Variants in EYS observed in about 807,000 individuals in gnomAD.
EYS encodes the protein EGF-like photoreceptor maintenance factor.
In EYS, 250 loss-of-function variants were observed where a neutral mutation model predicts 282.1. The observed-to-expected ratio is 0.89, with a 90% confidence interval of 0.80 to 0.98. EYS has a LOEUF of 0.98. EYS is among the 50% of genes least tolerant of loss of function. The pLI, the probability that EYS is intolerant of heterozygous loss-of-function variation, is 0.00. For missense variants in EYS, 4,016 were observed against 3,709.0 expected (o/e 1.08, Z -2.15); for synonymous variants, 1,355 against 1,282.9 (o/e 1.06, Z -1.20).
chr6:65,668,019 AG>A (rs1292826020), intron 1 of EYS, among the ~76,000 whole-genome samples: 1 of 151,922 alleles, frequency 6.6e-6, no homozygotes, highest in African/African-American at 2.4e-5. Flanking sequence ...GCACCATTGA[AG>A]TAGTATCAGT....
Position 65,552,032 on chromosome 6 carries a change from C to T in EYS, c.-332-56039G>A, listed in dbSNP as rs1354292965. Among the ~76,000 whole-genome samples the T allele has an allele frequency of 1.3e-4, 2 of 14,892 alleles. 1 individual carries two copies. Among genetic ancestry groups the T allele is most frequent in the Non-Finnish European group, 1.9e-4 (2 of 10,334 alleles). The allele number at this position is 14,892 out of a possible 152,430, so 9.8% of individuals were successfully genotyped here. On this transcript the variant is annotated intron_variant, in intron 2 of 42. Coordinates refer to ENST00000503581, the MANE Select transcript of EYS (RefSeq NM_001142800.2). ...AGTGGGCGAAGGTCATGAACAGACA[C>T]TTCTCAAAAGAAGACATTTATGCAG... is the stretch of plus-strand genomic sequence containing the variant.
At chr6:64,647,062 T>C (rs1297563655) in intron 22 of EYS, among the ~76,000 whole-genome samples, 1 of 152,142 alleles carries the variant, frequency 6.6e-6, no homozygotes, top group Non-Finnish European at 1.5e-5. Flanking sequence ...AAGAAACCAC[T>C]TACTGTGTAA....
chr6:64,833,801 A>AT (rs570344527), intron 19 of EYS, among the ~76,000 whole-genome samples: 28 of 152,036 alleles, frequency 1.8e-4, no homozygotes, highest in African/African-American at 6.5e-4. Flanking sequence ...AAAATGTAAG[A>AT]TTGAATGGCC....
chr6:64,728,430 G>A (rs936700986), intron 22 of EYS, among the ~76,000 whole-genome samples: 8 of 152,056 alleles, frequency 5.3e-5, no homozygotes, highest in African/African-American at 1.2e-4. Context: ...TGCCTCCCGG[G>A]TTCACCCCAT....
chr6:65,297,138 A>G (rs1331563518), intron 11 of EYS, among the ~76,000 whole-genome samples: 1 of 151,370 alleles, frequency 6.6e-6, no homozygotes, highest in Non-Finnish European at 1.5e-5. Flanking sequence ...ACATTATATA[A>G]TATATCCATA....
intron 22 of EYS, among the ~76,000 whole-genome samples, chr6:64,703,429 A>ATATTTT (rs869208549): frequency 1.3e-4 from 3 of 23,366 alleles, no homozygotes; most frequent in Non-Finnish European, 2.2e-4. Flanking sequence ...ATATATATAT[A>ATATTTT]TTTTTTTTTT....
chr6:64,310,339 C>T (rs750197892), intron 29 of EYS, among the ~76,000 whole-genome samples: 11 of 152,076 alleles, frequency 7.2e-5, no homozygotes, highest in Non-Finnish European at 1.5e-4. Context: ...ACCAAAATAC[C>T]CAGCAATAAT....
chr6:64,958,920 C>G (rs891155667), intron 14 of EYS, among the ~76,000 whole-genome samples: 4 of 152,048 alleles, frequency 2.6e-5, no homozygotes, highest in Non-Finnish European at 5.9e-5. Flanking sequence ...ATAATATAAA[C>G]TGGCTTCATA....
chr6:65,458,270 G>T (rs895400493), intron 5 of EYS, among the ~76,000 whole-genome samples: 1 of 152,028 alleles, frequency 6.6e-6, no homozygotes, highest in Non-Finnish European at 1.5e-5. Flanking sequence ...ATTCTCTACC[G>T]TGGCACATCA....
At chr6:63,956,473 C>T (rs534233295) in intron 35 of EYS, among the ~76,000 whole-genome samples, 38 of 152,280 alleles carry the variant, frequency 2.5e-4, no homozygotes, top group South Asian at 4.1e-4. Flanking sequence ...AAAGCTTTAT[C>T]GCTCACACAA....
At chr6:65,105,215 C>T (rs924885012) in intron 12 of EYS, among the ~76,000 whole-genome samples, 1 of 151,602 alleles carries the variant, frequency 6.6e-6, no homozygotes, top group Non-Finnish European at 1.5e-5. Context: ...AAAAATCAAA[C>T]AATTTTAATA....
At chr6:63,726,856 T>C (rs761591665) in intron 41 of EYS, among the ~76,000 whole-genome samples, 176 bp from the exon 42 acceptor site, 5 of 152,246 alleles carry the variant, frequency 3.3e-5, no homozygotes, top group Admixed American at 6.5e-5. Flanking sequence ...TTAATTCCAC[T>C]AACTTTAGGG....
At chr6:65,183,635 T>C (rs1765446309) in intron 12 of EYS, among the ~76,000 whole-genome samples, 1 of 151,922 alleles carries the variant, frequency 6.6e-6, no homozygotes, top group Non-Finnish European at 1.5e-5. Flanking sequence ...ATATTTTTTC[T>C]TCTAATTTTA....
intron 22 of EYS, among the ~76,000 whole-genome samples, chr6:64,699,275 A>T (rs1351402562): frequency 1.3e-5 from 2 of 152,238 alleles, no homozygotes; most frequent in East Asian, 3.9e-4. Flanking sequence ...TTAAATGATG[A>T]TAACTTATGA....
At chr6:64,521,209 A>G (rs923011853) in intron 26 of EYS, among the ~76,000 whole-genome samples, 5 of 151,814 alleles carry the variant, frequency 3.3e-5, no homozygotes, top group Admixed American at 3.3e-4. Context: ...ATACACTCTC[A>G]AGTTGCAGTT....
intron 29 of EYS, among the ~76,000 whole-genome samples, chr6:64,307,990 A>T (rs1054221851): frequency 1.3e-5 from 2 of 152,076 alleles, no homozygotes; most frequent in South Asian, 4.1e-4. Context: ...TTACATAATT[A>T]CAGTAAATTA....
chr6:64,902,246 C>A, intron 17 of EYS, 26 bp from the exon 18 acceptor site: 1 of 1,465,532 alleles, frequency 6.8e-7, no homozygotes, highest in Non-Finnish European at 9.3e-7. Context: ...TTTAGTAACT[C>A]CATTAGTATA....
At chr6:64,704,945 T>C (rs571882366) in intron 22 of EYS, among the ~76,000 whole-genome samples, 6 of 151,938 alleles carry the variant, frequency 3.9e-5, no homozygotes, top group Non-Finnish European at 8.8e-5. Flanking sequence ...TCTCACCACT[T>C]CTATTCAACA....
At chr6:64,771,380 C>G (rs2149986201) in intron 22 of EYS, among the ~76,000 whole-genome samples, 1 of 151,582 alleles carries the variant, frequency 6.6e-6, no homozygotes, top group Non-Finnish European at 1.5e-5. Flanking sequence ...GTTGATGTTC[C>G]TGTATTATTT....
Sources: gnomAD v4.1 joint callset for allele counts (sites outside exome capture counted in the v4.1 genomes callset) on GRCh38, gnomAD v4.1.1 for gene constraint, MANE v1.5 for transcripts, NCBI Gene and HGNC (gene_info 2026-07-23, HGNC 2026-07-21) for gene names.